ABLIM2: variants seen among roughly 807,000 people sequenced by gnomAD.
ABLIM2 encodes the protein actin-binding LIM protein 2.
ABLIM2 carries 53 observed loss-of-function variants against 97.7 expected under a neutral mutation model. That is an observed-to-expected ratio of 0.54 (90% CI 0.44 to 0.68). ABLIM2 has a LOEUF of 0.68. ABLIM2 is among the 30% of genes least tolerant of loss of function. ABLIM2 has a pLI of 0.00. For missense variants in ABLIM2, 835 were observed against 867.2 expected, an observed-to-expected ratio of 0.96 and a Z score of 0.47; for synonymous variants, 361 against 345.8, an observed-to-expected ratio of 1.04 and a Z score of -0.49.
intron 1 of ABLIM2, among the ~76,000 whole-genome samples, chr4:8,139,374 T>C (rs562797944): frequency 6.6e-6 from 1 of 151,888 alleles, no homozygotes; most frequent in Admixed American, 6.6e-5. Flanking sequence ...AGATCTAATA[T>C]CCAGAATCTA....
chr4:8,108,275 G>C (rs13102011), intron 1 of ABLIM2, among the ~76,000 whole-genome samples: 120,192 of 152,250 alleles, frequency 0.79, 47,887 homozygotes, highest in Non-Finnish European at 0.84. Flanking sequence ...AAGGACCACC[G>C]CAGTGCGGCA....
At chr4:8,091,927 G>C (rs1376428194) in intron 3 of ABLIM2, among the ~76,000 whole-genome samples, 1 of 116,036 alleles carries the variant, frequency 8.6e-6, no homozygotes, top group Non-Finnish European at 1.6e-5. Flanking sequence ...AATATATAAT[G>C]TATATTATAA....
intron 20 of ABLIM2, among the ~76,000 whole-genome samples, chr4:7,980,779 C>G (rs950160264): frequency 6.6e-6 from 1 of 151,526 alleles, no homozygotes; most frequent in Admixed American, 6.6e-5. Context: ...TTCCAGAATC[C>G]CTTTCCCTTT....
Position 8,155,737 on chromosome 4 carries a change from G to A in ABLIM2, c.10+2943C>T, listed in dbSNP as rs1715091968. Among the ~76,000 whole-genome samples, 1 of 135,838 alleles carries A rather than the reference G, an allele frequency of 7.4e-6. No individual in the cohort carries two copies. The highest frequency in any genetic ancestry group is 1.6e-5 in the Non-Finnish European group (1 of 61,046). The allele number at this position is 135,838 out of a possible 152,430, so 89.1% of individuals were successfully genotyped here. ...CTGGGGTTTTCATAAGAACAGATTA[G>A]GACACAGACACACACAAAGGGAAGA... On this transcript the variant is annotated intron_variant, in intron 1 of 20. Coordinates refer to ENST00000447017, the MANE Select transcript of ABLIM2 (RefSeq NM_001130083.2). This position sits in a 1 kb window ranked among gnomAD's most constrained non-coding sequence, Gnocchi z 4.2.
chr4:7,978,646 A>C (rs1425325580), intron 20 of ABLIM2, among the ~76,000 whole-genome samples: 1 of 152,102 alleles, frequency 6.6e-6, no homozygotes, highest in South Asian at 2.1e-4. Context: ...TTGAGGAACA[A>C]AGAAACACAG....
rs1577418217 is a variant in ABLIM2, at chr4:8,085,248, A to T, written c.454+2921T>A. On this transcript the variant is annotated intron_variant, in intron 4 of 20. Transcript: ENST00000447017. This position sits in a 1 kb window ranked among gnomAD's most constrained non-coding sequence, Gnocchi z 6.1. ...CACACAGGCAGCCATGTGAGGCCCC[A>T]CCCTGCTGCCCCCCGGCCCAGCAAG... is the stretch of plus-strand genomic sequence containing the variant. Among the ~76,000 whole-genome samples the T allele has an allele frequency of 6.6e-6, 1 of 151,664 alleles. No homozygotes were observed. The highest frequency in any genetic ancestry group is 1.5e-5 in the Non-Finnish European group (1 of 67,876).
chr4:8,008,101 T>C lies in ABLIM2; in HGVS notation c.1576A>G (p.Arg526Gly), dbSNP rs373580524. The change falls in exon 16 of 21, where the codon AGA becomes GGA. Residue 526 changes from arginine (R) to glycine (G), a missense_variant. Coordinates refer to ENST00000447017, the MANE Select transcript of ABLIM2 (RefSeq NM_001130083.2). Reference sequence around the variant, plus strand: ...CCTGCCATCCTTTGGAGAGGGTCTCTGTCGGTCCCGCTGCTGTGGGACAAG... The same window carrying C: ...CCTGCCATCCTTTGGAGAGGGTCTCCGTCGGTCCCGCTGCTGTGGGACAAG... ...QSLSHSSGTD[R>G]DPLQRMAGDS... 5.0e-6 allele frequency: 8 copies of C among 1,613,946 alleles called. No individual in the cohort carries two copies. The African/African-American group carries it at 9.3e-5, about 19-fold the overall frequency.
rs1338354099 is a variant in ABLIM2 at position 8,140,525 on chromosome 4, G to A, written c.10+18155C>T. On this transcript the variant is annotated intron_variant, in intron 1 of 20. Coordinates refer to ENST00000447017, the MANE Select transcript of ABLIM2 (RefSeq NM_001130083.2). The surrounding 1 kb of genome is among the most constrained non-coding windows in gnomAD (Gnocchi z 5.9). ...GGGCAGTGACACGGGGGCCTTGCCTGCATGTGGGAGCCACACGTGGCCTCT... is the reference window on the plus strand; with the variant it reads ...GGGCAGTGACACGGGGGCCTTGCCTACATGTGGGAGCCACACGTGGCCTCT... Among the ~76,000 whole-genome samples, 1 of 152,174 alleles carries A rather than the reference G, an allele frequency of 6.6e-6. No individual in the cohort carries two copies. Among genetic ancestry groups the A allele is most frequent in the Non-Finnish European group, 1.5e-5 (1 of 68,024 alleles).
At chr4:7,989,969 G>C (rs1370585329) in intron 17 of ABLIM2, among the ~76,000 whole-genome samples, 2 of 152,182 alleles carry the variant, frequency 1.3e-5, no homozygotes, top group African/African-American at 4.8e-5. Flanking sequence ...CAGGCACTGT[G>C]GCAGGCTTGG....
At chr4:8,024,267 C>G (rs80349278) in intron 12 of ABLIM2, among the ~76,000 whole-genome samples, 18,439 of 152,210 alleles carry the variant, frequency 0.12, 1,498 homozygotes, top group East Asian at 0.3. Flanking sequence ...GCCTGCACTT[C>G]CTGCCCCCGC....
chr4:8,150,153 C>T lies in ABLIM2; in HGVS notation c.10+8527G>A, dbSNP rs1246015591. Reference sequence around the variant, plus strand: ...CTGCCAGGTTGAAGGTCTGGATGCTCCTTGGAATTCTTCCTTCTGGGCACT... The same window carrying T: ...CTGCCAGGTTGAAGGTCTGGATGCTTCTTGGAATTCTTCCTTCTGGGCACT... On this transcript the variant is annotated intron_variant, in intron 1 of 20. Transcript: ENST00000447017. This position sits in a 1 kb window ranked among gnomAD's most constrained non-coding sequence, Gnocchi z 6.3. Among the ~76,000 whole-genome samples, 1 of 152,188 alleles carries T rather than the reference C, an allele frequency of 6.6e-6. No individual in the cohort carries two copies. The highest frequency in any genetic ancestry group is 1.9e-4 in the East Asian group (1 of 5,194).
chr4:8,143,923 T>C (rs10003032), intron 1 of ABLIM2, among the ~76,000 whole-genome samples: 38,472 of 151,998 alleles, frequency 0.25, 6,793 homozygotes, highest in African/African-American at 0.5. Context: ...TTCCTGGTGT[T>C]GGTCTCCTCG....
At position 8,071,693 on chromosome 4, in the gene ABLIM2, A is replaced by C. The variant is rs1577151482; in HGVS notation, c.675+5935T>G. The C allele has an allele frequency of 1.2e-5, 10 of 819,826 alleles. No homozygotes were observed. Among genetic ancestry groups the C allele is most frequent in the East Asian group, 1.3e-4 (1 of 7,960 alleles). 50.8% of individuals were successfully genotyped at this position (819,826 alleles called of 1,614,324 possible). A position where few individuals can be genotyped will look rare whatever the true frequency, so the allele number is the denominator to read the frequency against. On this transcript the variant is annotated intron_variant, in intron 6 of 20. Transcript: ENST00000447017. The surrounding 1 kb of genome is among the most constrained non-coding windows in gnomAD (Gnocchi z 6.2). ...ACACCTGACTGCTCTGTCCCCAAAA[A>C]CCCACCCACCCGCAGCCCCTCCTGG...
At chr4:8,009,192 A>G in intron 14 of ABLIM2, 90 bp from the exon 15 acceptor site, 1 of 1,516,818 alleles carries the variant, frequency 6.6e-7, no homozygotes, top group South Asian at 1.1e-5. Context: ...TATGCTCAAA[A>G]ATGAAAAATC....
At chr4:8,039,821 A>G (rs1579452614) in intron 9 of ABLIM2, among the ~76,000 whole-genome samples, 1 of 150,828 alleles carries the variant, frequency 6.6e-6, no homozygotes, top group South Asian at 2.1e-4. Context: ...CGGCAGGGCC[A>G]CTGTGGCTGG....
intron 8 of ABLIM2, among the ~76,000 whole-genome samples, chr4:8,048,795 C>A (rs563280695): frequency 6.6e-6 from 1 of 152,304 alleles, no homozygotes; most frequent in South Asian, 2.1e-4. Context: ...CCTACAGGAC[C>A]AGCCCGGCCA....
Position 7,982,982 on chromosome 4 carries a change from C to T in ABLIM2, c.1824+282G>A, listed in dbSNP as rs1239542887. Among the ~76,000 whole-genome samples, 6 of 152,320 alleles carry T rather than the reference C, an allele frequency of 3.9e-5. No individual in the cohort carries two copies. The East Asian group carries it at 7.7e-4, about 20-fold the overall frequency. On this transcript the variant is annotated intron_variant, in intron 20 of 20. Transcript: ENST00000447017. ...CCTCCCAAAGTGCTGGGATTACAGG[C>T]GTGAGCCACTGTGCCCAGCCCAGAG...
chr4:7,980,383 AT>A (rs2149591949), intron 20 of ABLIM2, among the ~76,000 whole-genome samples: 1 of 152,244 alleles, frequency 6.6e-6, no homozygotes, highest in African/African-American at 2.4e-5. Context: ...AAATACAAAT[AT>A]TGTACCCCTA....
At chr4:8,059,296 T>G (rs191654287) in intron 7 of ABLIM2, among the ~76,000 whole-genome samples, 9 of 152,110 alleles carry the variant, frequency 5.9e-5, no homozygotes, top group African/African-American at 2.2e-4. Flanking sequence ...AGGGTTATTT[T>G]GAGTTGATTA....
Sources: allele counts gnomAD v4.1 joint callset (sites outside exome capture counted in the v4.1 genomes callset), GRCh38; gene constraint gnomAD v4.1.1; non-coding constraint Gnocchi (gnomAD v3.1); transcripts MANE v1.5; gene names NCBI Gene and HGNC (gene_info 2026-07-23, HGNC 2026-07-21).